PCDHGB3: variants seen among roughly 807,000 people sequenced by gnomAD.
The protein encoded by PCDHGB3 is protocadherin gamma-B3.
Under a neutral mutation model 59.2 loss-of-function variants are expected in PCDHGB3, and 40 were observed. The observed-to-expected ratio is 0.68, with a 90% CI of 0.52 to 0.88. The LOEUF (loss-of-function observed/expected upper bound fraction) is 0.88. Among genes scored for constraint, PCDHGB3 ranks in the 40% least tolerant of loss-of-function variants. The pLI, the probability that PCDHGB3 is intolerant of heterozygous loss-of-function variation, is 0.00. For missense variants in PCDHGB3, 1,309 were observed against 1,187.9 expected (o/e 1.10, Z -1.50); for synonymous variants, 581 against 503.6 (o/e 1.15, Z -2.06).
rs201458212 is a variant in PCDHGB3 at position 141,487,439 on chromosome 5, T to A, written c.2416-7368T>A. On this transcript the variant is annotated intron_variant, in intron 1 of 3. Coordinates refer to ENST00000576222, the MANE Select transcript of PCDHGB3 (RefSeq NM_018924.5). The surrounding 1 kb of genome is among the most constrained non-coding windows in gnomAD (Gnocchi z 5.0). ...TGGGATCCTCCGAATCCAGCTAGGG[T>A]CAGATGACCCTATCAAGTTTGTTGA... The A allele has an allele frequency of 1.5e-4, 242 of 1,613,808 alleles. No individual in the cohort carries two copies. Among genetic ancestry groups the A allele is most frequent in the Non-Finnish European group, 1.9e-4 (230 of 1,179,978 alleles).
intron 1 of PCDHGB3, among the ~76,000 whole-genome samples, chr5:141,467,814 A>G (rs2099152300): frequency 6.6e-6 from 1 of 151,978 alleles, no homozygotes; most frequent in Non-Finnish European, 1.5e-5. Flanking sequence ...ACATGCCACC[A>G]CACCAGGCTG....
At chr5:141,415,478 GA>G (rs1209443921) in intron 1 of PCDHGB3, 2 of 1,613,964 alleles carry the variant, frequency 1.2e-6, no homozygotes, top group Non-Finnish European at 1.7e-6. Context: ...GCGGACTCGC[GA>G]AAGAGTCACC....
rs776335336 is a variant in PCDHGB3 at position 141,403,470 on chromosome 5, G to A, written c.2415+30661G>A. The A allele has an allele frequency of 3.7e-5, 59 of 1,613,910 alleles. No homozygotes were observed. Among genetic ancestry groups the A allele is most frequent in the Non-Finnish European group, 4.8e-5 (57 of 1,179,918 alleles). ...AACTCCCTCCAGAGCTACCAGCTCAGCCCCAATCACCACTTCTCCCTGAAC... is the reference window on the plus strand; with the variant it reads ...AACTCCCTCCAGAGCTACCAGCTCAACCCCAATCACCACTTCTCCCTGAAC... On this transcript the variant is annotated intron_variant, in intron 1 of 3. Coordinates refer to ENST00000576222, the MANE Select transcript of PCDHGB3 (RefSeq NM_018924.5).
At chr5:141,496,021 G>A (rs1011612662) in intron 2 of PCDHGB3, among the ~76,000 whole-genome samples, 1 of 151,336 alleles carries the variant, frequency 6.6e-6, no homozygotes, top group Admixed American at 6.6e-5. Context: ...TTTTCTCTGA[G>A]CCTCTGTCTC....
intron 1 of PCDHGB3, chr5:141,478,451 G>A (rs377597887): frequency 2.5e-6 from 4 of 1,613,440 alleles, no homozygotes; most frequent in African/African-American, 2.7e-5. Context: ...ACCTGGTGCA[G>A]CCAGTCCACT....
rs770419617 is a variant in PCDHGB3, at chr5:141,421,523, C to T, written c.2415+48714C>T. The T allele has an allele frequency of 2.5e-6, 4 of 1,614,034 alleles. No homozygotes were observed. In the Admixed American group the frequency reaches 5.0e-5, roughly 20 times the overall value. ...ATAGACCGGGAGGAGCTCTGTGAGA[C>T]GGTGTCCTCCTGTTTTTTAAATATG... On this transcript the variant is annotated intron_variant, in intron 1 of 3. Transcript: ENST00000576222.
chr5:141,371,024 G>C lies in PCDHGB3; in HGVS notation c.630G>C (p.Leu210=), dbSNP rs1588679786. The part of the protein sequence containing the change: ...LDREEQPHHH[L]VLTAVDGGEP... ...GGGAAGAGCAGCCACATCACCACCT[G>C]GTCCTCACAGCTGTGGATGGGGGCG... The change falls in exon 1 of 4, where the codon CTG becomes CTC. Residue 210 remains leucine, a synonymous_variant. Transcript: ENST00000576222. The C allele has an allele frequency of 6.2e-7, 1 of 1,613,886 alleles. No individual in the cohort carries two copies. The highest frequency in any genetic ancestry group is 1.3e-5 in the African/African-American group (1 of 74,950).
intron 1 of PCDHGB3, chr5:141,376,544 G>C: frequency 6.2e-7 from 1 of 1,612,818 alleles, no homozygotes; most frequent in South Asian, 1.1e-5. Context: ...AGAGTAATCT[G>C]ATCTTCCCGC....
intron 1 of PCDHGB3, chr5:141,478,843 C>G: frequency 7.2e-7 from 1 of 1,398,442 alleles, no homozygotes; most frequent in South Asian, 1.5e-5. Flanking sequence ...GATGGTTAAG[C>G]TAAAACACAA....
intron 1 of PCDHGB3, chr5:141,377,314 A>G (rs890147019): frequency 5.3e-5 from 8 of 152,110 alleles, no homozygotes; most frequent in African/African-American, 1.9e-4. Flanking sequence ...AAAGATCAAG[A>G]TCTTGGTTTT....
At chr5:141,433,360 T>C (rs1313053553) in intron 1 of PCDHGB3, 46 of 298,056 alleles carry the variant, frequency 1.5e-4, no homozygotes, top group Non-Finnish European at 2.5e-4. Context: ...ACTGTCTGCC[T>C]ATCTATCTAT....
chr5:141,399,755 G>C (rs1420211451), intron 1 of PCDHGB3: 1 of 1,613,232 alleles, frequency 6.2e-7, no homozygotes, highest in Non-Finnish European at 8.5e-7. Context: ...GCAAACGTGA[G>C]CCTGCGCGTG....
chr5:141,418,277 T>G, intron 1 of PCDHGB3: 2 of 1,614,026 alleles, frequency 1.2e-6, no homozygotes, highest in Non-Finnish European at 1.7e-6. Flanking sequence ...TGAAATAAAC[T>G]TAGAAATCAG....
intron 2 of PCDHGB3, among the ~76,000 whole-genome samples, chr5:141,500,216 ATTT>A (rs979396489): frequency 3.1e-4 from 46 of 149,244 alleles, no homozygotes; most frequent in Non-Finnish European, 6.7e-4. Context: ...TTATTTATTT[ATTT>A]ATTTATTGAT....
chr5:141,499,418 A>G (rs143234735), intron 2 of PCDHGB3, among the ~76,000 whole-genome samples: 1 of 152,296 alleles, frequency 6.6e-6, no homozygotes, highest in East Asian at 1.9e-4. Context: ...GAAACATGAA[A>G]AATAGAAAAA....
intron 1 of PCDHGB3, chr5:141,423,436 C>A (rs2096740667): frequency 6.2e-7 from 1 of 1,613,782 alleles, no homozygotes; most frequent in Non-Finnish European, 8.5e-7. Context: ...GGCAGGTATG[C>A]CCACGTCACA....
chr5:141,474,019 A>G (rs923131322), intron 1 of PCDHGB3, among the ~76,000 whole-genome samples: 4 of 152,134 alleles, frequency 2.6e-5, no homozygotes, highest in Non-Finnish European at 4.4e-5. Flanking sequence ...ACAGTGAGCT[A>G]TGATTATTCC....
intron 3 of PCDHGB3, among the ~76,000 whole-genome samples, chr5:141,509,440 C>T (rs1036780108): frequency 2.0e-5 from 3 of 152,158 alleles, no homozygotes; most frequent in Non-Finnish European, 4.4e-5. Flanking sequence ...CTTGTTTCCT[C>T]CTCTCCCACC....
chr5:141,458,496 A>T (rs905073741), intron 1 of PCDHGB3, among the ~76,000 whole-genome samples: 1 of 151,694 alleles, frequency 6.6e-6, no homozygotes, highest in Non-Finnish European at 1.5e-5. Flanking sequence ...CTGCCTGTAC[A>T]TACTGTTTGA....
Sources: allele counts gnomAD v4.1 joint callset (sites outside exome capture counted in the v4.1 genomes callset), GRCh38; gene constraint gnomAD v4.1.1; non-coding constraint Gnocchi (gnomAD v3.1); transcripts MANE v1.5; gene names NCBI Gene and HGNC (gene_info 2026-07-23, HGNC 2026-07-21).